Variants in SAMMSON observed in about 807,000 individuals in gnomAD.
SAMMSON encodes the protein survival associated mitochondrial melanoma specific oncogenic non-coding RNA.
intron 4 of SAMMSON, among the ~76,000 whole-genome samples, chr3:70,131,035 T>C (rs915394215): frequency 6.6e-6 from 1 of 152,214 alleles, no homozygotes; most frequent in Non-Finnish European, 1.5e-5. Flanking sequence ...AATAAGTATA[T>C]AACCATTGTT....
chr3:70,250,385 A>T (rs1366594417), intron 6 of SAMMSON, among the ~76,000 whole-genome samples: 1 of 150,524 alleles, frequency 6.6e-6, no homozygotes, highest in Non-Finnish European at 1.5e-5. Flanking sequence ...TATTGACAAT[A>T]TTCGGTATTT....
At position 70,316,507 on chromosome 3, in the gene SAMMSON, G is replaced by A. The variant is rs555897082; in HGVS notation, n.739+25264G>A. ...CTTTGAAAGTATGTTTTCTGCTACA[G>A]AATGGAATCTCTGTTGTTCAGTATA... On this transcript the variant is annotated intron_variant and non_coding_transcript_variant, in intron 7 of 9. Transcript: ENST00000642114. 2.6e-5 allele frequency among the ~76,000 whole-genome samples: 4 copies of A among 152,140 alleles called. No homozygotes were observed. In the South Asian group the frequency reaches 8.3e-4, roughly 32 times the overall value.
At chr3:70,237,645 G>A (rs1701623077) in intron 4 of SAMMSON, among the ~76,000 whole-genome samples, 1 of 152,178 alleles carries the variant, frequency 6.6e-6, no homozygotes, top group Non-Finnish European at 1.5e-5. Flanking sequence ...TGGAATCCAT[G>A]TATTGCCTAA....
intron 4 of SAMMSON, chr3:70,172,345 A>G (rs1209156895): frequency 6.6e-6 from 1 of 151,276 alleles, no homozygotes; most frequent in Non-Finnish European, 1.5e-5. Context: ...CATGCTAGAA[A>G]GAGTTTATGG....
At chr3:70,296,961 C>T (rs1181879706) in intron 7 of SAMMSON, among the ~76,000 whole-genome samples, 1 of 151,838 alleles carries the variant, frequency 6.6e-6, no homozygotes, top group African/African-American at 2.4e-5. Context: ...AGTTTATTGT[C>T]AATATCTGAT....
intron 2 of SAMMSON, among the ~76,000 whole-genome samples, chr3:70,429,828 C>G (rs1701399487): frequency 6.6e-6 from 1 of 152,132 alleles, no homozygotes; most frequent in African/African-American, 2.4e-5. Flanking sequence ...TATCCTGAGA[C>G]TTTGCTGAAG....
intron 2 of SAMMSON, among the ~76,000 whole-genome samples, chr3:70,409,874 AT>A (rs1307424803): frequency 6.6e-6 from 1 of 152,102 alleles, no homozygotes; most frequent in African/African-American, 2.4e-5. Flanking sequence ...GCTTTGTTAC[AT>A]GGGTATATTT....
chr3:70,150,993 G>C (rs1001566065), intron 4 of SAMMSON, among the ~76,000 whole-genome samples: 2 of 151,906 alleles, frequency 1.3e-5, no homozygotes, highest in Admixed American at 6.6e-5. Flanking sequence ...TCTATATGTA[G>C]ATATATAGAT....
At chr3:70,216,621 A>G (rs553328011) in intron 4 of SAMMSON, among the ~76,000 whole-genome samples, 2 of 152,242 alleles carry the variant, frequency 1.3e-5, no homozygotes, top group East Asian at 3.9e-4. Context: ...ATTTTATTGA[A>G]TATAATGTAT....
At chr3:70,149,786 C>T (rs375951781) in intron 4 of SAMMSON, among the ~76,000 whole-genome samples, 1 of 152,190 alleles carries the variant, frequency 6.6e-6, no homozygotes, top group East Asian at 1.9e-4. Context: ...CATTAGGCAT[C>T]AGAGAAATCA....
chr3:70,137,741 A>G (rs1264352060), intron 4 of SAMMSON: 1 of 152,194 alleles, frequency 6.6e-6, no homozygotes, highest in Admixed American at 6.5e-5. Context: ...AGTTAACTAG[A>G]ACATTATCAT....
At chr3:70,166,840 T>A (rs2067639327) in intron 4 of SAMMSON, among the ~76,000 whole-genome samples, 1 of 151,890 alleles carries the variant, frequency 6.6e-6, no homozygotes, top group Non-Finnish European at 1.5e-5. Flanking sequence ...GTCAACAGAT[T>A]TTCCTTTCCT....
intron 1 of SAMMSON, among the ~76,000 whole-genome samples, chr3:70,001,458 T>G (rs1367119706): frequency 2.6e-5 from 4 of 151,922 alleles, no homozygotes; most frequent in Non-Finnish European, 5.9e-5. Context: ...CTAGTGTTTT[T>G]TTTTTTTTTT....
At chr3:70,158,696 ACTGTAAATCCAC>A (rs2067601847) in intron 4 of SAMMSON, among the ~76,000 whole-genome samples, 1 of 152,066 alleles carries the variant, frequency 6.6e-6, no homozygotes, top group Admixed American at 6.6e-5. Context: ...ATTGCTTGTA[ACTGTAAATCCAC>A]AGTTTAGGAG....
At chr3:70,326,053 TG>T (rs1452527511) in intron 7 of SAMMSON, among the ~76,000 whole-genome samples, 1 of 152,214 alleles carries the variant, frequency 6.6e-6, no homozygotes, top group Non-Finnish European at 1.5e-5. Flanking sequence ...AGTCAAAGCC[TG>T]ATCTTGAGAT....
intron 7 of SAMMSON, among the ~76,000 whole-genome samples, chr3:70,342,507 A>G (rs183217500): frequency 9.9e-4 from 150 of 152,218 alleles, no homozygotes; most frequent in African/African-American, 3.6e-3. Context: ...ATTCCAAAGT[A>G]TTTGTCTTAG....
At chr3:70,160,688 T>C (rs1383263470) in intron 4 of SAMMSON, among the ~76,000 whole-genome samples, 1 of 152,048 alleles carries the variant, frequency 6.6e-6, no homozygotes, top group Non-Finnish European at 1.5e-5. Flanking sequence ...CCTTTCCATA[T>C]AGATTTAATG....
chr3:70,098,659 G>T (rs562352619), intron 4 of SAMMSON, among the ~76,000 whole-genome samples: 2 of 151,982 alleles, frequency 1.3e-5, no homozygotes, highest in African/African-American at 2.4e-5. Flanking sequence ...GAGCCACCAC[G>T]CCCGGCCTCT....
chr3:70,093,096 T>C (rs2067310856), intron 4 of SAMMSON, among the ~76,000 whole-genome samples: 1 of 152,064 alleles, frequency 6.6e-6, no homozygotes, highest in Non-Finnish European at 1.5e-5. Flanking sequence ...CCCTTGCTTG[T>C]TTCATGTCTC....
Sources: gnomAD v4.1 joint callset for allele counts (sites outside exome capture counted in the v4.1 genomes callset) on GRCh38, gnomAD v4.1.1 for gene constraint, MANE v1.5 for transcripts, NCBI Gene and HGNC (gene_info 2026-07-23, HGNC 2026-07-21) for gene names.